SEMA3D: variants seen among roughly 807,000 people sequenced by gnomAD.
SEMA3D encodes the protein semaphorin-3D.
In SEMA3D, 84 loss-of-function variants were observed where a neutral mutation model predicts 100.1. The ratio of observed to expected loss-of-function variants is 0.84; its 90% CI spans 0.70 to 1.01. The LOEUF (loss-of-function observed/expected upper bound fraction) is 1.01. SEMA3D is among the 50% of genes least tolerant of loss of function. SEMA3D has a pLI of 0.00. For missense variants in SEMA3D, 875 were observed against 934.1 expected (o/e 0.94, Z 0.82); for synonymous variants, 312 against 320.7 (o/e 0.97, Z 0.29).
the SEMA3D span, among the ~76,000 whole-genome samples, chr7:85,201,830 A>T: frequency 6.6e-6 from 1 of 151,888 alleles, no homozygotes; most frequent in African/African-American, 2.4e-5. Flanking sequence ...GGACTCAACC[A>T]TCCTCCTGCC....
chr7:85,140,317 A>G (rs1253401068), intron 2 of SEMA3D: 47 of 982,566 alleles, frequency 4.8e-5, no homozygotes, highest in Admixed American at 6.2e-5. Context: ...CAGAGTGAAA[A>G]TGCACGGCAT....
chr7:85,080,426 T>C (rs1788022064), intron 5 of SEMA3D, among the ~76,000 whole-genome samples: 1 of 152,174 alleles, frequency 6.6e-6, no homozygotes, highest in Admixed American at 6.5e-5. Flanking sequence ...TGATAGAGGA[T>C]TCTTTAATCT....
chr7:85,130,651 G>T (rs1049583074), intron 2 of SEMA3D, among the ~76,000 whole-genome samples: 5 of 151,980 alleles, frequency 3.3e-5, no homozygotes, highest in African/African-American at 1.2e-4. Flanking sequence ...TCCTATGTTC[G>T]GTTTAACTCT....
chr7:85,243,034 T>C, the SEMA3D span, among the ~76,000 whole-genome samples: 1 of 152,042 alleles, frequency 6.6e-6, no homozygotes, highest in African/African-American at 2.4e-5. Context: ...AGCCTGTGAC[T>C]CTGGACTGTT....
chr7:85,247,144 G>T, the SEMA3D span, among the ~76,000 whole-genome samples: 1 of 151,942 alleles, frequency 6.6e-6, no homozygotes, highest in African/African-American at 2.4e-5. Context: ...GTTACATCCT[G>T]CCTATATTGA....
intron 1 of SEMA3D, among the ~76,000 whole-genome samples, chr7:85,160,746 G>A (rs547288535): frequency 1.6e-3 from 247 of 152,170 alleles, no homozygotes; most frequent in Middle Eastern, 6.8e-3. Context: ...AAGATACAAA[G>A]AAAGATGATT....
the SEMA3D span, among the ~76,000 whole-genome samples, chr7:85,231,966 A>C: frequency 1.3e-5 from 2 of 152,174 alleles, no homozygotes; most frequent in Non-Finnish European, 1.5e-5. Context: ...GGAAAGTAGA[A>C]AATAAAGTTT....
intron 3 of SEMA3D, among the ~76,000 whole-genome samples, chr7:85,100,118 C>A (rs1280201834): frequency 6.6e-6 from 1 of 151,892 alleles, no homozygotes; most frequent in East Asian, 1.9e-4. Context: ...AGAGATATGA[C>A]CCTGAACCAG....
chr7:85,146,130 T>G (rs997169637), intron 2 of SEMA3D, among the ~76,000 whole-genome samples: 2 of 152,204 alleles, frequency 1.3e-5, no homozygotes, highest in African/African-American at 4.8e-5. Context: ...TATAAATAGA[T>G]AATTCAATCT....
At chr7:85,233,709 T>C in the SEMA3D span, among the ~76,000 whole-genome samples, 4 of 152,206 alleles carry the variant, frequency 2.6e-5, no homozygotes, top group Non-Finnish European at 5.9e-5. Context: ...TTTTACTAGT[T>C]TTATCTGATT....
At chr7:85,074,708 C>T (rs542039138) in intron 5 of SEMA3D, among the ~76,000 whole-genome samples, 1 of 151,894 alleles carries the variant, frequency 6.6e-6, no homozygotes, top group Admixed American at 6.6e-5. Context: ...CCTCCGCTTC[C>T]CAGGCCCAAG....
intron 6 of SEMA3D, among the ~76,000 whole-genome samples, chr7:85,070,450 C>T (rs574568389): frequency 3.9e-5 from 6 of 152,234 alleles, no homozygotes; most frequent in African/African-American, 9.6e-5. Flanking sequence ...TACCTTTTTC[C>T]GCTCCTTTTG....
chr7:85,102,198 C>T (rs1788768182), intron 3 of SEMA3D, among the ~76,000 whole-genome samples: 1 of 151,816 alleles, frequency 6.6e-6, no homozygotes, highest in Non-Finnish European at 1.5e-5. Flanking sequence ...TTGAGCACAG[C>T]CTTGAAAGAC....
intron 2 of SEMA3D, chr7:85,140,728 T>C: frequency 2.0e-6 from 2 of 980,406 alleles, no homozygotes; most frequent in Non-Finnish European, 2.4e-6. Flanking sequence ...TACAAGTTTC[T>C]TCTGGTTTCC....
At chr7:85,171,010 A>G (rs1478893726) in intron 1 of SEMA3D, among the ~76,000 whole-genome samples, 1 of 151,966 alleles carries the variant, frequency 6.6e-6, no homozygotes, top group Non-Finnish European at 1.5e-5. Context: ...ATCTCAATAT[A>G]TAAGTATACT....
the SEMA3D span, among the ~76,000 whole-genome samples, chr7:85,225,121 T>C: frequency 2.4e-5 from 3 of 125,320 alleles, no homozygotes; most frequent in Non-Finnish European, 3.3e-5. Flanking sequence ...CATATATACA[T>C]ATATATAATA....
the SEMA3D span, among the ~76,000 whole-genome samples, chr7:85,211,054 A>G: frequency 6.6e-6 from 1 of 152,074 alleles, no homozygotes; most frequent in South Asian, 2.1e-4. Flanking sequence ...ATTAACTACA[A>G]AATAAATGTA....
intron 1 of SEMA3D, among the ~76,000 whole-genome samples, chr7:85,180,205 C>A (rs1791362315): frequency 1.3e-5 from 2 of 152,128 alleles, no homozygotes; most frequent in South Asian, 4.1e-4. Context: ...TTTTCCCATG[C>A]TGTTCTTATG....
intron 2 of SEMA3D, among the ~76,000 whole-genome samples, chr7:85,147,193 C>G (rs1174217912): frequency 6.9e-6 from 1 of 144,162 alleles, no homozygotes; most frequent in Admixed American, 7.2e-5. Context: ...ACCTCTGCCT[C>G]CCGGGTTCAA....
Sources: gnomAD v4.1 joint callset for allele counts (sites outside exome capture counted in the v4.1 genomes callset) on GRCh38, gnomAD v4.1.1 for gene constraint, MANE v1.5 for transcripts, NCBI Gene and HGNC (gene_info 2026-07-23, HGNC 2026-07-21) for gene names.